The following RAB11FIP4 variants were observed in gnomAD, a reference collection of about 807,000 sequenced individuals.
The protein encoded by RAB11FIP4 is RAB11 family interacting protein 4.
A neutral mutation model predicts 74.3 loss-of-function variants in RAB11FIP4; 23 were observed. That is an observed-to-expected ratio of 0.31 (90% CI 0.22 to 0.44). The LOEUF (loss-of-function observed/expected upper bound fraction) is 0.44. Among genes scored for constraint, RAB11FIP4 ranks in the 20% least tolerant of loss-of-function variants. The pLI is 1.00. For synonymous variants in RAB11FIP4, 360 were observed against 359.9 expected, an observed-to-expected ratio of 1.00 and a Z score of 0.00; for missense variants, 630 against 863.9, an observed-to-expected ratio of 0.73 and a Z score of 3.39.
chr17:31,533,236 A>C lies in RAB11FIP4; in HGVS notation c.*1504A>C, dbSNP rs2072902808. On this transcript the variant is annotated 3_prime_UTR_variant, in exon 15 of 15. Coordinates refer to ENST00000621161, the MANE Select transcript of RAB11FIP4 (RefSeq NM_032932.6). Reference sequence around the variant, plus strand: ...AGAGGCAGGGCTGTGGCCAGGACCAACCTTCAATTCCATTCCAATCAGCCT... The same window carrying C: ...AGAGGCAGGGCTGTGGCCAGGACCACCCTTCAATTCCATTCCAATCAGCCT... 1.3e-5 allele frequency: 2 copies of C among 152,278 alleles called. No individual in the cohort carries two copies. The highest frequency in any genetic ancestry group is 4.8e-5 in the African/African-American group (2 of 41,546). 9.4% of individuals were successfully genotyped at this position (152,278 alleles called of 1,614,324 possible).
At chr17:31,500,210 T>G (rs1346259000) in intron 3 of RAB11FIP4, among the ~76,000 whole-genome samples, 2 of 152,168 alleles carry the variant, frequency 1.3e-5, no homozygotes, top group Non-Finnish European at 2.9e-5. Flanking sequence ...TGGAGATGAT[T>G]CACTGAGCTA....
rs757047 is a variant in RAB11FIP4, at chr17:31,508,603, A to G, written c.337-9048A>G. Among the ~76,000 whole-genome samples the G allele has an allele frequency of 5.2e-3, 789 of 152,308 alleles. 16 individuals carry two copies. Among genetic ancestry groups the G allele is most frequent in the Admixed American group, 0.038 (575 of 15,298 alleles). On this transcript the variant is annotated intron_variant, in intron 3 of 14. Transcript: ENST00000621161. ...ACACCTCTGGCCAGTGCCTGGGTGC[A>G]CGCGGCCCGGGTCGGCCTCAGACCC...
intron 3 of RAB11FIP4, among the ~76,000 whole-genome samples, chr17:31,480,929 G>A (rs2142738548): frequency 1.3e-5 from 2 of 151,892 alleles, no homozygotes; most frequent in Middle Eastern, 3.4e-3. Context: ...TTCATCATCT[G>A]ACTTCTCCCA....
intron 3 of RAB11FIP4, among the ~76,000 whole-genome samples, chr17:31,472,395 C>T (rs938361638): frequency 5.9e-5 from 9 of 152,130 alleles, no homozygotes; most frequent in Admixed American, 5.9e-4. Context: ...GGGCCTTACG[C>T]GCTGAGTCAT....
At chr17:31,516,378 C>T (rs7502143) in intron 3 of RAB11FIP4, among the ~76,000 whole-genome samples, 24,008 of 151,956 alleles carry the variant, frequency 0.16, 2,121 homozygotes, top group South Asian at 0.29. Flanking sequence ...GTGGTTTTAC[C>T]AGTGGAGGGT....
At chr17:31,435,486 C>T (rs1247307343) in intron 3 of RAB11FIP4, among the ~76,000 whole-genome samples, 3 of 152,208 alleles carry the variant, frequency 2.0e-5, no homozygotes, top group African/African-American at 7.2e-5. Context: ...TGACAACCAG[C>T]GAGGTCCCTC....
At chr17:31,445,564 ATATATATATATATATTTTTTT>A (rs1461170484) in intron 3 of RAB11FIP4, among the ~76,000 whole-genome samples, 445 of 13,116 alleles carry the variant, frequency 0.034, 16 homozygotes, top group East Asian at 0.2. Context: ...ATATATATAT[ATATATATATATATATTTTTTT>A]TTTTTTTTTT....
In RAB11FIP4 at chr17:31,475,798, G is replaced by GT. The variant is rs1323409888; in HGVS notation, c.336+41676_336+41677insT. On this transcript the variant is annotated intron_variant, in intron 3 of 14. Coordinates refer to ENST00000621161, the MANE Select transcript of RAB11FIP4 (RefSeq NM_032932.6). The stretch of plus-strand genomic sequence containing the variant: ...TGCCACGTTTTCTGCATTTTTGTGT[G>GT]GTTTTTTTTTTTTTTGGCGATTTTG... Among the ~76,000 whole-genome samples, 251 of 67,420 alleles carry GT rather than the reference G, an allele frequency of 3.7e-3. 1 individual carries two copies. The highest frequency in any genetic ancestry group is 0.017 in the East Asian group (21 of 1,208). 44.2% of individuals were successfully genotyped at this position (67,420 alleles called of 152,430 possible).
intron 3 of RAB11FIP4, among the ~76,000 whole-genome samples, chr17:31,467,605 AG>A (rs1156532977): frequency 6.6e-6 from 1 of 151,946 alleles, no homozygotes; most frequent in African/African-American, 2.4e-5. Flanking sequence ...GGGCTTTGTG[AG>A]CACATTCTGA....
At chr17:31,431,377 C>T (rs565801643) in intron 1 of RAB11FIP4, among the ~76,000 whole-genome samples, 17 of 152,320 alleles carry the variant, frequency 1.1e-4, no homozygotes, top group African/African-American at 3.6e-4. Flanking sequence ...CCACCAGTGT[C>T]CATCTCAGTG....
At chr17:31,439,947 T>C (rs1367636880) in intron 3 of RAB11FIP4, among the ~76,000 whole-genome samples, 3 of 152,180 alleles carry the variant, frequency 2.0e-5, no homozygotes, top group Non-Finnish European at 4.4e-5. Context: ...GAAATCTCTA[T>C]ATATCCTGAT....
chr17:31,398,485 G>A (rs2070952583), intron 1 of RAB11FIP4, among the ~76,000 whole-genome samples: 2 of 152,334 alleles, frequency 1.3e-5, no homozygotes, highest in South Asian at 4.1e-4. Context: ...TGTGATCCCT[G>A]CCTCCATTGG....
intron 1 of RAB11FIP4, among the ~76,000 whole-genome samples, chr17:31,413,562 C>T (rs2071119572): frequency 1.3e-5 from 2 of 151,636 alleles, no homozygotes; most frequent in Admixed American, 6.6e-5. Flanking sequence ...CCTTGGCTAC[C>T]CTCTCCCTCC....
Position 31,489,095 on chromosome 17 carries a change from G to A in RAB11FIP4, c.337-28556G>A, listed in dbSNP as rs967620944. On this transcript the variant is annotated intron_variant, in intron 3 of 14. Transcript: ENST00000621161. The stretch of plus-strand genomic sequence containing the variant: ...CCATGCCAGTTTTCCTTGACTGACC[G>A]ATTTTCTCAAAGCAATGTGAGAGGT... 4.6e-5 allele frequency among the ~76,000 whole-genome samples: 7 copies of A among 152,202 alleles called. No individual in the cohort carries two copies. The South Asian group carries it at 1.4e-3, about 32-fold the overall frequency.
At chr17:31,424,174 T>G (rs2071225193) in intron 1 of RAB11FIP4, among the ~76,000 whole-genome samples, 1 of 152,214 alleles carries the variant, frequency 6.6e-6, no homozygotes, top group African/African-American at 2.4e-5. Context: ...TTCATCTTAC[T>G]TAACGTTTTT....
Position 31,534,622 on chromosome 17 carries a change from C to G in RAB11FIP4, c.*2890C>G, listed in dbSNP as rs929846564. On this transcript the variant is annotated 3_prime_UTR_variant, in exon 15 of 15. Coordinates refer to ENST00000621161, the MANE Select transcript of RAB11FIP4 (RefSeq NM_032932.6). ...CTGATGATTAGACTGAATCCTCAGA[C>G]GTTCTGGTTTGATTGTTGTGGGTGT... 3.9e-5 allele frequency: 6 copies of G among 152,112 alleles called. No individual in the cohort carries two copies. The highest frequency in any genetic ancestry group is 1.4e-4 in the African/African-American group (6 of 41,404). 9.4% of individuals were successfully genotyped at this position (152,112 alleles called of 1,614,324 possible). A position where few individuals can be genotyped will look rare whatever the true frequency, so the allele number is the denominator to read the frequency against.
At chr17:31,484,798 C>A (rs973411989) in intron 3 of RAB11FIP4, among the ~76,000 whole-genome samples, 10 of 152,324 alleles carry the variant, frequency 6.6e-5, no homozygotes, top group Admixed American at 2.6e-4. Context: ...TTATTGGTTA[C>A]CTGCTCTGTG....
intron 3 of RAB11FIP4, chr17:31,488,437 G>GC (rs2071943870): frequency 1.4e-6 from 1 of 738,774 alleles, no homozygotes; most frequent in Non-Finnish European, 1.7e-6. Flanking sequence ...TGCCAGGTGC[G>GC]CGGGTGGCGG....
chr17:31,523,786 A>G (rs2142821536), intron 8 of RAB11FIP4, 107 bp from the exon 9 acceptor site: 1 of 1,019,762 alleles, frequency 9.8e-7, no homozygotes. Flanking sequence ...GACCGTTCTC[A>G]GATACACAGT....
Sources: allele counts gnomAD v4.1 joint callset (sites outside exome capture counted in the v4.1 genomes callset), GRCh38; gene constraint gnomAD v4.1.1; transcripts MANE v1.5; gene names NCBI Gene and HGNC (gene_info 2026-07-23, HGNC 2026-07-21).